The following AMZ2 variants were observed in gnomAD, a reference collection of about 807,000 sequenced individuals.
AMZ2 encodes the protein archaelysin family metallopeptidase 2.
AMZ2 carries 26 observed loss-of-function variants against 36.7 expected under a neutral mutation model. That is an observed-to-expected ratio of 0.71 (90% CI 0.52 to 0.98). AMZ2 has a LOEUF of 0.98. Ranked by LOEUF, AMZ2 falls within the 50% of genes least tolerant of loss-of-function variation. AMZ2 has a pLI of 0.00. For missense variants in AMZ2, 394 were observed against 430.5 expected (o/e 0.92, Z 0.75); for synonymous variants, 144 against 149.1 (o/e 0.97, Z 0.25).
intron 1 of AMZ2, among the ~76,000 whole-genome samples, chr17:68,208,050 A>T (rs1243366921): frequency 6.6e-6 from 1 of 151,928 alleles, no homozygotes; most frequent in Non-Finnish European, 1.5e-5. Context: ...CTGCCTTCCC[A>T]CGGGGCAGCA....
chr17:68,252,074 T>C (rs1366315875), intron 4 of AMZ2, among the ~76,000 whole-genome samples: 2 of 152,180 alleles, frequency 1.3e-5, no homozygotes, highest in African/African-American at 4.8e-5. Flanking sequence ...TTATTGTTCT[T>C]ATTTCTCTAA....
chr17:68,208,576 G>A (rs2072916891), intron 1 of AMZ2, among the ~76,000 whole-genome samples: 2 of 152,168 alleles, frequency 1.3e-5, no homozygotes, highest in Non-Finnish European at 2.9e-5. Context: ...GGCCTGATAA[G>A]AATAAAAGCA....
At chr17:68,247,711 C>T, upstream of AMZ2, 1 of 985,514 alleles carries the variant, frequency 1.0e-6, no homozygotes, top group Non-Finnish European at 1.2e-6. Flanking sequence ...AAACCCGCGG[C>T]CTGCCGAGGA....
intron 1 of AMZ2, among the ~76,000 whole-genome samples, chr17:68,241,602 C>G (rs782267136): frequency 2.6e-5 from 4 of 152,122 alleles, no homozygotes; most frequent in Non-Finnish European, 5.9e-5. Flanking sequence ...ACAGTAGCCT[C>G]TAGGAAGATG....
At chr17:68,249,811 G>A (rs2074309092) in intron 1 of AMZ2, 1 of 213,034 alleles carries the variant, frequency 4.7e-6, no homozygotes, top group African/African-American at 2.4e-5. Flanking sequence ...TATGCCCAGG[G>A]AATTTTTAAA....
At chr17:68,209,536 A>G (rs1453030765) in intron 1 of AMZ2, among the ~76,000 whole-genome samples, 1 of 149,084 alleles carries the variant, frequency 6.7e-6, no homozygotes, top group Admixed American at 6.7e-5. Flanking sequence ...TGTGTTAGTG[A>G]TGGACTTCTT....
At chr17:68,246,323 G>A (rs1448303843), upstream of AMZ2, among the ~76,000 whole-genome samples, 24 of 151,786 alleles carry the variant, frequency 1.6e-4, no homozygotes, top group African/African-American at 5.1e-4. Flanking sequence ...AGCCGAGATC[G>A]CACCACTGCA....
rs782118820 is a variant in AMZ2 at position 68,235,517 on chromosome 17, C to T, written c.-66-13123C>T. 8.5e-5 allele frequency among the ~76,000 whole-genome samples: 13 copies of T among 152,170 alleles called. No individual in the cohort carries two copies. Among genetic ancestry groups the T allele is most frequent in the Non-Finnish European group, 1.2e-4 (8 of 68,042 alleles). On this transcript the variant is annotated intron_variant, in intron 1 of 7. Transcript: ENST00000674770. The surrounding 1 kb of genome is among the most constrained non-coding windows in gnomAD (Gnocchi z 4.2). ...GTTCGCGCCCTCTCACTGTGGCACA[C>T]GGGCCTGAGCCTCAGGAACACTGCA...
At chr17:68,233,907 T>C (rs2073728202) in intron 1 of AMZ2, among the ~76,000 whole-genome samples, 1 of 152,044 alleles carries the variant, frequency 6.6e-6, no homozygotes, top group African/African-American at 2.4e-5. Context: ...ATTCTTGCTG[T>C]GCTGGGTCAC....
rs80336059 is a variant in AMZ2 at position 68,248,664 on chromosome 17, G to T, written c.-42G>T. 807 of 986,084 alleles carry T rather than the reference G, an allele frequency of 8.2e-4. 2 individuals are homozygous for T. The African/African-American group carries it at 9.0e-3, about 11-fold the overall frequency. The allele number at this position is 986,084 out of a possible 1,614,324, so 61.1% of individuals were successfully genotyped here. ...GCCAGGCCCAGACATGTCCGTCCTT[G>T]TAAGTTAAAAGCTTCCATGGGAGCC... On this transcript the variant is annotated 5_prime_UTR_variant, in exon 1 of 7. Coordinates refer to ENST00000359904, the MANE Select transcript of AMZ2 (RefSeq NM_016627.5).
chr17:68,227,512 G>A (rs1199104672), intron 1 of AMZ2, among the ~76,000 whole-genome samples: 2 of 152,252 alleles, frequency 1.3e-5, no homozygotes, highest in African/African-American at 4.8e-5. Flanking sequence ...TTACTGCTCA[G>A]TTGTGCACTG....
chr17:68,218,762 T>C (rs375084880), intron 1 of AMZ2, among the ~76,000 whole-genome samples: 3 of 152,232 alleles, frequency 2.0e-5, no homozygotes, highest in Admixed American at 6.5e-5. Flanking sequence ...ACTCTTCATC[T>C]AGTGTTCTCA....
chr17:68,216,427 C>T (rs1296691603), intron 1 of AMZ2, among the ~76,000 whole-genome samples: 5 of 152,232 alleles, frequency 3.3e-5, no homozygotes, highest in Non-Finnish European at 5.9e-5. Flanking sequence ...GGTCACCATG[C>T]CCTGCCTTGC....
At chr17:68,240,345 A>C (rs2073876458) in intron 1 of AMZ2, among the ~76,000 whole-genome samples, 1 of 152,254 alleles carries the variant, frequency 6.6e-6, no homozygotes, top group African/African-American at 2.4e-5. Flanking sequence ...TTCAAACCAT[A>C]GCAGGGTGCA....
At chr17:68,216,113 A>G (rs1385945795) in intron 1 of AMZ2, among the ~76,000 whole-genome samples, 2 of 152,144 alleles carry the variant, frequency 1.3e-5, no homozygotes, top group African/African-American at 4.8e-5. Context: ...CGCAGGTACT[A>G]TATTTTTAAA....
intron 1 of AMZ2, among the ~76,000 whole-genome samples, chr17:68,210,726 T>G (rs2144474048): frequency 6.6e-6 from 1 of 152,188 alleles, no homozygotes; most frequent in Admixed American, 6.5e-5. Flanking sequence ...GGTGGGAGGA[T>G]CACTTGAGTC....
intron 1 of AMZ2, among the ~76,000 whole-genome samples, chr17:68,209,410 T>G (rs1181462778): frequency 6.6e-6 from 1 of 151,668 alleles, no homozygotes; most frequent in African/African-American, 2.4e-5. Context: ...GCCAGGCTGG[T>G]CTCAAATTGC....
At chr17:68,254,912 C>T (rs1223620057) in intron 5 of AMZ2, among the ~76,000 whole-genome samples, 39 of 152,184 alleles carry the variant, frequency 2.6e-4, no homozygotes, top group South Asian at 2.1e-4. Context: ...TTTGGAGAAC[C>T]TCTGCTCTGG....
intron 1 of AMZ2, among the ~76,000 whole-genome samples, chr17:68,240,480 G>A (rs1165252446): frequency 6.6e-6 from 1 of 152,204 alleles, no homozygotes; most frequent in Non-Finnish European, 1.5e-5. Flanking sequence ...GGAAAAATGT[G>A]AGAGAGAGGA....
Sources: gnomAD v4.1 joint callset for allele counts (sites outside exome capture counted in the v4.1 genomes callset) on GRCh38, gnomAD v4.1.1 for gene constraint, Gnocchi (gnomAD v3.1) non-coding constraint, MANE v1.5 for transcripts, NCBI Gene and HGNC (gene_info 2026-07-23, HGNC 2026-07-21) for gene names.